The following ADGRV1 variants were observed in gnomAD, a reference collection of about 807,000 sequenced individuals.
ADGRV1 encodes adhesion G protein-coupled receptor V1.
Under a neutral mutation model 596.2 loss-of-function variants are expected in ADGRV1, and 359 were observed. The observed-to-expected ratio is 0.60, with a 90% CI of 0.55 to 0.66. The LOEUF (loss-of-function observed/expected upper bound fraction) is 0.66, where lower values mean the gene tolerates loss of function less well. Ranked by LOEUF, ADGRV1 falls within the 30% of genes least tolerant of loss-of-function variation. The pLI is 0.00. For synonymous variants in ADGRV1, 2,681 were observed against 2,679.2 expected, an observed-to-expected ratio of 1.00 and a Z score of -0.02; for missense variants, 7,274 against 7,575.6, an observed-to-expected ratio of 0.96 and a Z score of 1.48.
chr5:90,776,301 A>T (rs918130331), intron 60 of ADGRV1, among the ~76,000 whole-genome samples, 152 bp from the exon 61 acceptor site: 26 of 152,170 alleles, frequency 1.7e-4, no homozygotes, highest in African/African-American at 6.3e-4. Flanking sequence ...CTTCAGAGTC[A>T]TAGGTAAAAT....
intron 87 of ADGRV1, among the ~76,000 whole-genome samples, chr5:91,121,893 T>G (rs1334812397): frequency 6.6e-6 from 1 of 152,154 alleles, no homozygotes; most frequent in Non-Finnish European, 1.5e-5. Flanking sequence ...ATTGCTAAAT[T>G]ATGTTTCTTT....
intron 87 of ADGRV1, among the ~76,000 whole-genome samples, chr5:91,114,337 G>C (rs1792655175): frequency 1.3e-5 from 2 of 152,102 alleles, no homozygotes; most frequent in South Asian, 4.1e-4. Flanking sequence ...GACCAGCTTG[G>C]CCAACATGGT....
chr5:90,654,386 G>A (rs1196605847), intron 20 of ADGRV1: 1 of 202,178 alleles, frequency 4.9e-6, no homozygotes, highest in East Asian at 1.3e-4. Context: ...AAGGTAGAGG[G>A]TGGTGGGCGT....
intron 86 of ADGRV1, among the ~76,000 whole-genome samples, chr5:91,079,737 C>A (rs1015159215): frequency 6.6e-6 from 1 of 152,156 alleles, no homozygotes; most frequent in Non-Finnish European, 1.5e-5. Flanking sequence ...CTTTAGTGAG[C>A]TGCCTTTTAC....
intron 21 of ADGRV1, among the ~76,000 whole-genome samples, chr5:90,670,869 C>T (rs746638605): frequency 6.6e-6 from 1 of 152,180 alleles, no homozygotes; most frequent in East Asian, 1.9e-4. Flanking sequence ...TTACTTTAGC[C>T]TCCTAATACA....
chr5:91,100,230 G>A lies in ADGRV1; in HGVS notation c.18311-1989G>A, dbSNP rs147954781. On this transcript the variant is annotated intron_variant, in intron 86 of 89. Transcript: ENST00000405460. The stretch of plus-strand genomic sequence containing the variant: ...TGAGCCCGGAAGTTCAAGACCAGCC[G>A]GGGCAACATGGCGAAACCCCATCTA... Among the ~76,000 whole-genome samples, 49 of 152,172 alleles carry A rather than the reference G, an allele frequency of 3.2e-4. 2 individuals are homozygous for A. The East Asian group carries it at 9.1e-3, about 28-fold the overall frequency.
chr5:91,066,090 C>A (rs1018720849), intron 85 of ADGRV1, among the ~76,000 whole-genome samples: 1 of 152,204 alleles, frequency 6.6e-6, no homozygotes, highest in Non-Finnish European at 1.5e-5. Flanking sequence ...TTTAAGGAAG[C>A]AAATCCACAT....
intron 87 of ADGRV1, among the ~76,000 whole-genome samples, chr5:91,111,555 T>A (rs1197274971): frequency 6.6e-6 from 1 of 152,204 alleles, no homozygotes; most frequent in Non-Finnish European, 1.5e-5. Flanking sequence ...CTTTTGAGGA[T>A]AAACAGCTCT....
In ADGRV1 at chr5:90,759,429, C is replaced by T. The variant is rs1417990422; in HGVS notation, c.11961C>T (p.Ile3987=). 6.4e-7 allele frequency: 1 copy of T among 1,565,502 alleles called. No homozygotes were observed. The highest frequency in any genetic ancestry group is 8.7e-7 in the Non-Finnish European group (1 of 1,153,308). The change falls in exon 58 of 90, where the codon ATC becomes ATT. Residue 3987 remains isoleucine, a synonymous_variant. Coordinates refer to ENST00000405460, the MANE Select transcript of ADGRV1 (RefSeq NM_032119.4). ...ADKQVTAMIE[I]TIIDDAEFEL... ...CATAGGTTACTGCAATGATAGAAAT[C>T]ACCATAATTGATGATGCTGAATTTG...
At chr5:90,609,014 C>T (rs529801505) in intron 1 of ADGRV1, among the ~76,000 whole-genome samples, 58 of 152,204 alleles carry the variant, frequency 3.8e-4, no homozygotes, top group Admixed American at 1.6e-3. Context: ...AGACAATAAA[C>T]ATATTCCCAA....
intron 84 of ADGRV1, among the ~76,000 whole-genome samples, chr5:90,984,331 C>T (rs538566537): frequency 7.9e-5 from 12 of 152,244 alleles, no homozygotes; most frequent in African/African-American, 2.9e-4. Flanking sequence ...TATGGCATGG[C>T]ATTCAATATT....
chr5:90,597,085 A>G (rs1008492717), intron 1 of ADGRV1, among the ~76,000 whole-genome samples: 12 of 152,188 alleles, frequency 7.9e-5, no homozygotes, highest in Non-Finnish European at 1.5e-4. Context: ...GGTTTGATAC[A>G]TGTTTGAGGG....
intron 85 of ADGRV1, among the ~76,000 whole-genome samples, chr5:91,027,370 A>G (rs1459407077): frequency 6.6e-6 from 1 of 152,144 alleles, no homozygotes; most frequent in African/African-American, 2.4e-5. Context: ...TACAATGCCT[A>G]CAGTGGTGAT....
intron 84 of ADGRV1, among the ~76,000 whole-genome samples, chr5:90,980,805 G>T (rs1389838924): frequency 1.3e-5 from 2 of 152,110 alleles, no homozygotes; most frequent in African/African-American, 4.8e-5. Flanking sequence ...TTAAATTATT[G>T]TGCAAATATA....
Position 90,784,051 on chromosome 5 carries a change from G to A in ADGRV1, c.13647G>A (p.Glu4549=). 6.2e-7 allele frequency: 1 copy of A among 1,600,066 alleles called. No individual in the cohort carries two copies. ...AGCGGACTGGAGGACTCTTGGGAGA[G>A]ATTCAGGTAGATTTATGTTCCCCAT... ...VLERTGGLLG[E]IQVNWETVGP... is the part of the protein sequence containing the mutation. Residue 4549 remains glutamate (E), a synonymous_variant, in exon 67 of 90, where the codon GAG becomes GAA. Coordinates refer to ENST00000405460, the MANE Select transcript of ADGRV1 (RefSeq NM_032119.4).
intron 59 of ADGRV1, among the ~76,000 whole-genome samples, chr5:90,764,557 C>T (rs574443613): frequency 1.3e-5 from 2 of 152,246 alleles, no homozygotes; most frequent in Admixed American, 6.5e-5. Context: ...TTGGTGCTGC[C>T]CCCTTCAGTG....
At chr5:91,041,187 C>A (rs1785315108) in intron 85 of ADGRV1, among the ~76,000 whole-genome samples, 2 of 152,106 alleles carry the variant, frequency 1.3e-5, no homozygotes, top group African/African-American at 4.8e-5. Context: ...CACATGCACA[C>A]ATATGTTTAT....
chr5:90,765,613 T>A (rs1757031471), intron 59 of ADGRV1, among the ~76,000 whole-genome samples: 1 of 152,150 alleles, frequency 6.6e-6, no homozygotes, highest in African/African-American at 2.4e-5. Flanking sequence ...ACCTTAAATA[T>A]TTTTTCTTTA....
Position 90,985,427 on chromosome 5 carries a change from A to G in ADGRV1, c.18057A>G (p.Gly6019=), listed in dbSNP as rs908415939. Residue 6019 remains glycine, a synonymous_variant, in exon 85 of 90, where the codon GGA becomes GGG. Transcript: ENST00000405460. ...RYLLFFLLSW[G]LPAFVVILLI... is the part of the protein sequence containing the mutation. ...TGCTGTTTTTCCTTCTGAGTTGGGG[A>G]CTACCAGCTTTTGTGGTGATTCTCC... 1 of 1,613,678 alleles carries G rather than the reference A, an allele frequency of 6.2e-7. No individual in the cohort carries two copies. The highest frequency in any genetic ancestry group is 8.5e-7 in the Non-Finnish European group (1 of 1,179,686).
Sources: allele counts gnomAD v4.1 joint callset (sites outside exome capture counted in the v4.1 genomes callset), GRCh38; gene constraint gnomAD v4.1.1; transcripts MANE v1.5; gene names NCBI Gene and HGNC (gene_info 2026-07-23, HGNC 2026-07-21).